Variants in GRIK2 observed in about 807,000 individuals in gnomAD.
GRIK2 encodes the protein glutamate receptor ionotropic, kainate 2.
Under a neutral mutation model 100.3 loss-of-function variants are expected in GRIK2, and 32 were observed. That is an observed-to-expected ratio of 0.32 (90% CI 0.24 to 0.43). The LOEUF (loss-of-function observed/expected upper bound fraction) is 0.43. Among genes scored for constraint, GRIK2 ranks in the 20% least tolerant of loss-of-function variants. GRIK2 has a pLI of 1.00. For missense variants in GRIK2, 843 were observed against 1,114.9 expected, an observed-to-expected ratio of 0.76 and a Z score of 3.47; for synonymous variants, 417 against 389.4, an observed-to-expected ratio of 1.07 and a Z score of -0.83.
At chr6:101,595,708 G>GTATA (rs1334674645) in intron 2 of GRIK2, among the ~76,000 whole-genome samples, 1 of 125,578 alleles carries the variant, frequency 8.0e-6, no homozygotes, top group African/African-American at 3.2e-5. Flanking sequence ...ATGTGTGTGT[G>GTATA]TGTGTGTGTG....
intron 12 of GRIK2, among the ~76,000 whole-genome samples, chr6:101,895,657 A>G (rs1470500623): frequency 6.6e-6 from 1 of 151,786 alleles, no homozygotes; most frequent in Non-Finnish European, 1.5e-5. Context: ...TGTCACATTA[A>G]AATGAAATGC....
chr6:101,397,447 C>T (rs993882005), intron 1 of GRIK2, among the ~76,000 whole-genome samples: 1 of 152,068 alleles, frequency 6.6e-6, no homozygotes, highest in Non-Finnish European at 1.5e-5. Flanking sequence ...TTAAGGTGCT[C>T]GAACAGTCGA....
intron 7 of GRIK2, among the ~76,000 whole-genome samples, chr6:101,716,062 G>C (rs1478508201): frequency 1.3e-5 from 2 of 151,544 alleles, no homozygotes; most frequent in East Asian, 3.9e-4. Context: ...TCCTTTTCCT[G>C]TTTCTACATT....
At chr6:101,795,899 C>A (rs2128411355) in intron 7 of GRIK2, among the ~76,000 whole-genome samples, 1 of 152,302 alleles carries the variant, frequency 6.6e-6, no homozygotes, top group South Asian at 2.1e-4. Context: ...TTCTTTTTTA[C>A]AAATATGCAT....
chr6:101,831,333 T>C (rs1353204964), intron 10 of GRIK2, among the ~76,000 whole-genome samples: 1 of 152,110 alleles, frequency 6.6e-6, no homozygotes. Flanking sequence ...TTGCCTTTTC[T>C]TGAAAACATT....
chr6:101,963,587 C>T (rs1256504493), intron 14 of GRIK2, among the ~76,000 whole-genome samples: 2 of 144,010 alleles, frequency 1.4e-5, no homozygotes, highest in South Asian at 2.2e-4. Flanking sequence ...CTCCTGACCT[C>T]GTGATCCACC....
At chr6:101,730,578 T>C (rs1775193120) in intron 7 of GRIK2, among the ~76,000 whole-genome samples, 1 of 151,976 alleles carries the variant, frequency 6.6e-6, no homozygotes, top group Non-Finnish European at 1.5e-5. Flanking sequence ...TTATTACTGC[T>C]GTATAATAAT....
intron 14 of GRIK2, among the ~76,000 whole-genome samples, chr6:101,949,357 C>CCT (rs1199956944): frequency 6.6e-6 from 1 of 151,966 alleles, no homozygotes; most frequent in African/African-American, 2.4e-5. Flanking sequence ...TCTAGGAACT[C>CCT]CTCTTTGATT....
intron 14 of GRIK2, among the ~76,000 whole-genome samples, chr6:101,974,010 T>C (rs1249653310): frequency 6.6e-6 from 1 of 151,936 alleles, no homozygotes; most frequent in African/African-American, 2.4e-5. Flanking sequence ...GTACAATTGG[T>C]CCCTTTAAAT....
chr6:101,871,656 C>T (rs916918171), intron 11 of GRIK2, among the ~76,000 whole-genome samples: 13 of 123,484 alleles, frequency 1.1e-4, no homozygotes, highest in African/African-American at 3.7e-4. Context: ...GCCATTAGTT[C>T]GCTTAGGATA....
intron 12 of GRIK2, among the ~76,000 whole-genome samples, chr6:101,892,347 T>C (rs1467634854): frequency 6.6e-6 from 1 of 152,154 alleles, no homozygotes; most frequent in Non-Finnish European, 1.5e-5. Context: ...CATTTGCAAA[T>C]AGAGGCATAT....
At chr6:101,947,970 G>A (rs757169015) in intron 14 of GRIK2, among the ~76,000 whole-genome samples, 3 of 152,160 alleles carry the variant, frequency 2.0e-5, no homozygotes, top group Non-Finnish European at 4.4e-5. Context: ...ATATTGGAAT[G>A]AAGTCTGTGT....
At chr6:101,981,646 C>T (rs1793721309) in intron 14 of GRIK2, among the ~76,000 whole-genome samples, 1 of 151,628 alleles carries the variant, frequency 6.6e-6, no homozygotes, top group Non-Finnish European at 1.5e-5. Flanking sequence ...TGGTTAAATA[C>T]AAAATGGGAA....
chr6:101,480,795 T>A (rs1562168115), intron 2 of GRIK2, among the ~76,000 whole-genome samples: 1 of 152,216 alleles, frequency 6.6e-6, no homozygotes, highest in Non-Finnish European at 1.5e-5. Flanking sequence ...GTCTTCTTTT[T>A]GTTGGTCCTG....
At chr6:101,461,987 G>A (rs1161823023) in intron 2 of GRIK2, among the ~76,000 whole-genome samples, 7 of 152,136 alleles carry the variant, frequency 4.6e-5, no homozygotes, top group African/African-American at 2.4e-5. Flanking sequence ...AGGCTGCCTG[G>A]TTTTCAATCT....
intron 4 of GRIK2, among the ~76,000 whole-genome samples, chr6:101,651,600 G>C (rs1346689603): frequency 6.6e-6 from 1 of 152,148 alleles, no homozygotes; most frequent in African/African-American, 2.4e-5. Context: ...ATTTTAAATA[G>C]GGTGGTCATG....
At chr6:101,764,364 C>G (rs1159328377) in intron 7 of GRIK2, among the ~76,000 whole-genome samples, 1 of 151,704 alleles carries the variant, frequency 6.6e-6, no homozygotes, top group African/African-American at 2.4e-5. Context: ...GATGGGGATA[C>G]AGCAGTCAAA....
At chr6:101,845,597 A>G (rs1444837311) in intron 10 of GRIK2, among the ~76,000 whole-genome samples, 1 of 152,202 alleles carries the variant, frequency 6.6e-6, no homozygotes. Context: ...AAATTTGGCT[A>G]TTGTGAAAAG....
intron 2 of GRIK2, among the ~76,000 whole-genome samples, chr6:101,575,280 C>G (rs185253766): frequency 6.6e-6 from 1 of 151,832 alleles, no homozygotes; most frequent in Non-Finnish European, 1.5e-5. Flanking sequence ...AGATATAATA[C>G]TATTCAAATA....
Sources: allele counts gnomAD v4.1 joint callset (sites outside exome capture counted in the v4.1 genomes callset), GRCh38; gene constraint gnomAD v4.1.1; transcripts MANE v1.5; gene names NCBI Gene and HGNC (gene_info 2026-07-23, HGNC 2026-07-21).